The following ALG14 variants were observed in gnomAD, a reference collection of about 807,000 sequenced individuals.
ALG14 encodes the protein ALG14 UDP-N-acetylglucosaminyltransferase subunit, also known as UDP-N-acetylglucosamine transferase subunit ALG14.
In ALG14, 17 loss-of-function variants were observed where a neutral mutation model predicts 22.8. The ratio of observed to expected loss-of-function variants is 0.75; its 90% CI spans 0.51 to 1.12. The LOEUF (loss-of-function observed/expected upper bound fraction) is 1.12, where lower values mean the gene tolerates loss of function less well. Among genes scored for constraint, ALG14 ranks in the 50% most tolerant of loss-of-function variants. ALG14 has a pLI of 0.00. For missense variants in ALG14, 288 were observed against 271.8 expected, an observed-to-expected ratio of 1.06 and a Z score of -0.42; for synonymous variants, 89 against 103.7, an observed-to-expected ratio of 0.86 and a Z score of 0.86.
intron 2 of ALG14, among the ~76,000 whole-genome samples, chr1:95,057,508 T>C (rs1011410309): frequency 2.0e-5 from 3 of 151,520 alleles, no homozygotes; most frequent in Non-Finnish European, 4.4e-5. Flanking sequence ...AAATACTACG[T>C]CATCTTATAA....
intron 3 of ALG14, among the ~76,000 whole-genome samples, chr1:95,001,823 T>C (rs906692926): frequency 6.6e-6 from 1 of 152,176 alleles, no homozygotes; most frequent in East Asian, 1.9e-4. Flanking sequence ...CTCAACTGGT[T>C]ATGAATATAA....
At chr1:95,071,334 C>T (rs1446069117) in intron 1 of ALG14, among the ~76,000 whole-genome samples, 2 of 151,970 alleles carry the variant, frequency 1.3e-5, no homozygotes, top group South Asian at 2.1e-4. Context: ...CACTTGAGGT[C>T]GGAAGTTCAA....
chr1:94,994,816 T>A (rs1672867773), intron 3 of ALG14, among the ~76,000 whole-genome samples: 1 of 152,244 alleles, frequency 6.6e-6, no homozygotes, highest in Non-Finnish European at 1.5e-5. Context: ...AATTCTGGCA[T>A]TTGTTATTAA....
intron 2 of ALG14, among the ~76,000 whole-genome samples, chr1:95,039,715 C>A (rs1199318413): frequency 1.3e-5 from 2 of 152,110 alleles, no homozygotes; most frequent in African/African-American, 2.4e-5. Context: ...ATAACTGAAG[C>A]AATGGGTAGA....
chr1:95,054,888 T>C (rs576685892), intron 2 of ALG14, among the ~76,000 whole-genome samples: 1 of 152,316 alleles, frequency 6.6e-6, no homozygotes, highest in Non-Finnish European at 1.5e-5. Flanking sequence ...ATCTCACACA[T>C]GAACATACAT....
intron 3 of ALG14, among the ~76,000 whole-genome samples, chr1:95,016,486 GA>G (rs149915749): frequency 1.7e-3 from 254 of 152,184 alleles, no homozygotes; most frequent in African/African-American, 5.9e-3. Flanking sequence ...AGAGGAAAGG[GA>G]ATATGCAGAC....
intron 2 of ALG14, among the ~76,000 whole-genome samples, chr1:95,051,854 A>AC (rs1161971619): frequency 6.7e-6 from 1 of 150,146 alleles, no homozygotes; most frequent in East Asian, 2.0e-4. Flanking sequence ...TAAAATTACA[A>AC]CCCCCCTTTA....
At chr1:94,989,064 A>G (rs1002929546) in intron 3 of ALG14, among the ~76,000 whole-genome samples, 1 of 152,192 alleles carries the variant, frequency 6.6e-6, no homozygotes, top group South Asian at 2.1e-4. Flanking sequence ...ATGACTGCAT[A>G]TATTTAATCC....
intron 3 of ALG14, among the ~76,000 whole-genome samples, chr1:94,988,333 G>T (rs1672691793): frequency 1.3e-5 from 2 of 152,304 alleles, no homozygotes; most frequent in South Asian, 2.1e-4. Flanking sequence ...AAACCACAAG[G>T]TCCCTTGCCT....
intron 2 of ALG14, chr1:95,041,682 G>T (rs931073645): frequency 2.0e-5 from 3 of 151,696 alleles, no homozygotes; most frequent in Admixed American, 6.6e-5. Context: ...AGGAACTGTG[G>T]AAAGTAACAA....
chr1:95,070,825 TC>T (rs916214858), intron 1 of ALG14, among the ~76,000 whole-genome samples: 78 of 152,272 alleles, frequency 5.1e-4, no homozygotes, highest in African/African-American at 1.8e-3. Context: ...AACCTCCACC[TC>T]CCAGACTCAA....
chr1:94,989,344 G>C (rs1206491186), intron 3 of ALG14, among the ~76,000 whole-genome samples: 1 of 152,172 alleles, frequency 6.6e-6, no homozygotes, highest in Non-Finnish European at 1.5e-5. Context: ...TGGACCATGT[G>C]GTCTTTTTTT....
At chr1:95,065,102 C>T in intron 1 of ALG14, 85 bp from the exon 2 acceptor site, 1 of 1,255,472 alleles carries the variant, frequency 8.0e-7, no homozygotes, top group Non-Finnish European at 1.1e-6. Flanking sequence ...ATCATGGTTT[C>T]AGGTTGGGGG....
intron 2 of ALG14, among the ~76,000 whole-genome samples, chr1:95,062,443 C>T (rs1431184292): frequency 1.3e-5 from 2 of 152,106 alleles, no homozygotes; most frequent in East Asian, 3.9e-4. Context: ...TGATGCTCTA[C>T]CTCCCCCAAC....
chr1:95,034,261 T>C (rs770344468), intron 2 of ALG14, among the ~76,000 whole-genome samples: 14 of 152,226 alleles, frequency 9.2e-5, no homozygotes, highest in Non-Finnish European at 1.3e-4. Flanking sequence ...ACCATCTTCA[T>C]AGCAATCACC....
intron 2 of ALG14, among the ~76,000 whole-genome samples, chr1:95,032,945 C>T (rs148817986): frequency 0.014 from 2,176 of 152,196 alleles, 22 homozygotes; most frequent in Middle Eastern, 0.041. Context: ...ATAATCAATA[C>T]AAGGCTTATA....
intron 3 of ALG14, 73 bp from the exon 4 acceptor site, chr1:94,983,379 AGCCTGATT>A (rs1204619420): frequency 1.6e-6 from 2 of 1,265,728 alleles, no homozygotes; most frequent in African/African-American, 3.0e-5. Flanking sequence ...CATTAAGAAC[AGCCTGATT>A]TCAGAGGGGA....
chr1:95,069,362 T>C (rs1571688101), intron 1 of ALG14, among the ~76,000 whole-genome samples: 1 of 152,096 alleles, frequency 6.6e-6, no homozygotes, highest in South Asian at 2.1e-4. Context: ...CCAAGACTAA[T>C]AACAGTAACC....
At position 95,020,719 on chromosome 1, in the gene ALG14, C is replaced by A. The variant is rs573615182; in HGVS notation, c.420+6410G>T. Among the ~76,000 whole-genome samples the A allele has an allele frequency of 4.3e-5, 6 of 138,408 alleles. No individual in the cohort carries two copies. The South Asian group carries it at 1.4e-3, about 32-fold the overall frequency. The allele number at this position is 138,408 out of a possible 152,430, so 90.8% of individuals were successfully genotyped here. A position where few individuals can be genotyped will look rare whatever the true frequency, so the allele number is the denominator to read the frequency against. The stretch of plus-strand genomic sequence containing the variant: ...CACCATTGCACTCCAGCCTGGGCAA[C>A]AAGAGCAAAACTCCGTCTCAAAAAA... On this transcript the variant is annotated intron_variant, in intron 3 of 3. Coordinates refer to ENST00000370205, the MANE Select transcript of ALG14 (RefSeq NM_144988.4).
Sources: gnomAD v4.1 joint callset for allele counts (sites outside exome capture counted in the v4.1 genomes callset) on GRCh38, gnomAD v4.1.1 for gene constraint, MANE v1.5 for transcripts, NCBI Gene and HGNC (gene_info 2026-07-23, HGNC 2026-07-21) for gene names.